The following HPCAL1 variants were observed in gnomAD, a reference collection of about 807,000 sequenced individuals.
The protein encoded by HPCAL1 is hippocalcin like 1, also known as hippocalcin-like protein 1.
A neutral mutation model predicts 17.1 loss-of-function variants in HPCAL1; 8 were observed. The ratio of observed to expected loss-of-function variants is 0.47; its 90% CI spans 0.27 to 0.84. HPCAL1 has a LOEUF of 0.84. Among genes scored for constraint, HPCAL1 ranks in the 40% least tolerant of loss-of-function variants. HPCAL1 has a pLI of 0.13. For missense variants in HPCAL1, 165 were observed against 271.1 expected (o/e 0.61, Z 2.75); for synonymous variants, 112 against 111.4 (o/e 1.01, Z -0.03).
chr2:10,340,922 T>C (rs1402826528), intron 1 of HPCAL1, among the ~76,000 whole-genome samples: 1 of 152,204 alleles, frequency 6.6e-6, no homozygotes, highest in Non-Finnish European at 1.5e-5. Context: ...CAAACTCCTC[T>C]TCTCTGGGTT....
intron 3 of HPCAL1, 100 bp from the exon 4 acceptor site, chr2:10,422,883 C>A (rs1671150609): frequency 2.6e-6 from 2 of 779,476 alleles, no homozygotes; most frequent in African/African-American, 1.7e-5. Flanking sequence ...GAGCCCCTGA[C>A]CTCTCCGAGC....
intron 2 of HPCAL1, among the ~76,000 whole-genome samples, chr2:10,399,863 G>T (rs1669484207): frequency 6.6e-6 from 1 of 152,132 alleles, no homozygotes; most frequent in Admixed American, 6.5e-5. Context: ...CTTGAGGTGG[G>T]TTCATGGAGC....
At chr2:10,352,918 A>C (rs1309193503) in intron 1 of HPCAL1, among the ~76,000 whole-genome samples, 1 of 152,098 alleles carries the variant, frequency 6.6e-6, no homozygotes, top group Non-Finnish European at 1.5e-5. Context: ...ATTAGAAAAA[A>C]CTCAGAGCCG....
intron 1 of HPCAL1, among the ~76,000 whole-genome samples, chr2:10,312,849 A>G (rs1295515020): frequency 6.6e-6 from 1 of 151,720 alleles, no homozygotes; most frequent in Non-Finnish European, 1.5e-5. Flanking sequence ...CATCACTGTC[A>G]TTATCACCAT....
chr2:10,422,387 G>A (rs890368921), intron 3 of HPCAL1, among the ~76,000 whole-genome samples: 7 of 152,152 alleles, frequency 4.6e-5, no homozygotes, highest in African/African-American at 1.7e-4. Flanking sequence ...CGTCTCCTCT[G>A]TACACCCACC....
At chr2:10,400,073 G>A (rs35158739) in intron 2 of HPCAL1, among the ~76,000 whole-genome samples, 48,055 of 152,154 alleles carry the variant, frequency 0.32, 8,448 homozygotes, top group South Asian at 0.49. Flanking sequence ...CTTGGGGAAG[G>A]CCTTCCTGAG....
chr2:10,405,998 G>A (rs1193449636), intron 2 of HPCAL1, among the ~76,000 whole-genome samples: 2 of 152,192 alleles, frequency 1.3e-5, no homozygotes, highest in African/African-American at 4.8e-5. Context: ...TATTCTTGGT[G>A]TTCTATGGAG....
chr2:10,406,691 G>C (rs750355122), intron 2 of HPCAL1, among the ~76,000 whole-genome samples: 24 of 152,232 alleles, frequency 1.6e-4, no homozygotes, highest in Admixed American at 2.0e-4. Context: ...GCCCTGGCAC[G>C]GGTGCTGCGT....
intron 1 of HPCAL1, among the ~76,000 whole-genome samples, chr2:10,375,113 G>A (rs1190331410): frequency 2.0e-5 from 3 of 152,228 alleles, no homozygotes; most frequent in Admixed American, 1.3e-4. Flanking sequence ...AAGAGGCGGG[G>A]AAGGGGAGGA....
intron 1 of HPCAL1, among the ~76,000 whole-genome samples, chr2:10,314,540 C>T (rs1241555645): frequency 3.3e-5 from 5 of 152,104 alleles, no homozygotes; most frequent in Non-Finnish European, 4.4e-5. Context: ...GGCTGTAGAT[C>T]GGGGGCCTTA....
intron 2 of HPCAL1, among the ~76,000 whole-genome samples, chr2:10,397,429 G>C (rs1055685779): frequency 3.3e-5 from 5 of 151,844 alleles, no homozygotes; most frequent in African/African-American, 1.2e-4. Flanking sequence ...GTCTGCGCTG[G>C]GAGCTGGGCA....
At chr2:10,345,082 A>T (rs1271865195) in intron 1 of HPCAL1, among the ~76,000 whole-genome samples, 4 of 139,460 alleles carry the variant, frequency 2.9e-5, no homozygotes, top group East Asian at 2.1e-4. Flanking sequence ...CCTGTCTTGC[A>T]GTCTCTTTCT....
chr2:10,369,392 C>T (rs1283158175), intron 1 of HPCAL1, among the ~76,000 whole-genome samples: 1 of 152,214 alleles, frequency 6.6e-6, no homozygotes, highest in Non-Finnish European at 1.5e-5. Context: ...TTTTTTCTGG[C>T]CTTGCCTGTC....
At position 10,396,860 on chromosome 2, in the gene HPCAL1, G is replaced by C. The variant is rs533955012; in HGVS notation, c.-85G>C. Reference sequence around the variant, plus strand: ...GGGCATGGTCTAGTGGCCCAGTCAGGACGCGGAAACACTCCCTGGAGGTTC... The same window carrying C: ...GGGCATGGTCTAGTGGCCCAGTCAGCACGCGGAAACACTCCCTGGAGGTTC... On this transcript the variant is annotated 5_prime_UTR_variant, in exon 2 of 5. Transcript: ENST00000307845. The C allele has an allele frequency of 5.2e-5, 8 of 152,412 alleles. No individual in the cohort carries two copies. The East Asian group carries it at 1.4e-3, about 26-fold the overall frequency. The allele number at this position is 152,412 out of a possible 1,614,324, so 9.4% of individuals were successfully genotyped here. A position where few individuals can be genotyped will look rare whatever the true frequency, so the allele number is the denominator to read the frequency against.
At chr2:10,386,192 C>T (rs1668299028) in intron 1 of HPCAL1, among the ~76,000 whole-genome samples, 1 of 152,162 alleles carries the variant, frequency 6.6e-6, no homozygotes, top group Non-Finnish European at 1.5e-5. Flanking sequence ...TTCCATCTTG[C>T]CTGGGCCACC....
At chr2:10,413,305 T>A (rs1670464419) in intron 2 of HPCAL1, among the ~76,000 whole-genome samples, 1 of 152,202 alleles carries the variant, frequency 6.6e-6, no homozygotes, top group Non-Finnish European at 1.5e-5. Context: ...TCCCTTGCAT[T>A]CCGAAAGTGG....
At chr2:10,410,437 T>A (rs905567642) in intron 2 of HPCAL1, among the ~76,000 whole-genome samples, 2 of 7,312 alleles carry the variant, frequency 2.7e-4, no homozygotes, top group African/African-American at 4.5e-4. Flanking sequence ...CTTCTTCTTC[T>A]TTTTTTTTTT....
At chr2:10,399,424 T>C (rs866046637) in intron 2 of HPCAL1, among the ~76,000 whole-genome samples, 658 of 8,588 alleles carry the variant, frequency 0.077, no homozygotes, top group African/African-American at 0.12. Context: ...ACCACCACCA[T>C]CACCACCACC....
chr2:10,363,130 A>G lies in HPCAL1; in HGVS notation c.-110-33705A>G, dbSNP rs1176679994. On this transcript the variant is annotated intron_variant, in intron 1 of 4. Transcript: ENST00000307845. The surrounding 1 kb of genome is among the most constrained non-coding windows in gnomAD (Gnocchi z 4.7). ...AGCAAGACCTTGTCTCAAAAAGTAA[A>G]TAAAAAATAAAACCCATTCTCACTC... Among the ~76,000 whole-genome samples, 1 of 152,214 alleles carries G rather than the reference A, an allele frequency of 6.6e-6. No homozygotes were observed. Among genetic ancestry groups the G allele is most frequent in the Non-Finnish European group, 1.5e-5 (1 of 68,036 alleles).
Sources: allele counts gnomAD v4.1 joint callset (sites outside exome capture counted in the v4.1 genomes callset), GRCh38; gene constraint gnomAD v4.1.1; non-coding constraint Gnocchi (gnomAD v3.1); transcripts MANE v1.5; gene names NCBI Gene and HGNC (gene_info 2026-07-23, HGNC 2026-07-21).